Variants in TUBA3C observed in about 807,000 individuals in gnomAD.
The protein encoded by TUBA3C is tubulin alpha 3c.
TUBA3C carries 23 observed loss-of-function variants against 33.4 expected under a neutral mutation model. That is an observed-to-expected ratio of 0.69 (90% CI 0.50 to 0.98). The LOEUF is 0.98. Ranked by LOEUF, TUBA3C falls within the 50% of genes least tolerant of loss-of-function variation. The pLI is 0.00. For missense variants in TUBA3C, 402 were observed against 616.0 expected (o/e 0.65, Z 3.68); for synonymous variants, 269 against 250.4 (o/e 1.07, Z -0.70).
At position 19,175,910 on chromosome 13, in the gene TUBA3C, A is replaced by AT. The variant is rs1380359338; in HGVS notation, c.1056+1016dup. Among the ~76,000 whole-genome samples the AT allele has an allele frequency of 5.9e-5, 9 of 152,160 alleles. No homozygotes were observed. In the East Asian group the frequency reaches 1.7e-3, roughly 30 times the overall value. On this transcript the variant is annotated intron_variant, in intron 4 of 4. Transcript: ENST00000400113. The stretch of plus-strand genomic sequence containing the variant: ...AGGTGCCCGCCACCATACCCGGCTA[A>AT]TTTTTGTATTTTTAGTAGACACGGG...
rs776870755 is a variant in TUBA3C, at chr13:19,177,657, C to A, written c.376-50G>T. ...TCAATGCCCGTGGAAGCCACACCAC[C>A]AACCTCCACCAAGCCAGGGCCACTT... On this transcript the variant is annotated intron_variant, in intron 3 of 4. Transcript: ENST00000400113. This position sits in a 1 kb window ranked among gnomAD's most constrained non-coding sequence, Gnocchi z 5.0. 6.6e-6 allele frequency: 10 copies of A among 1,525,416 alleles called. No individual in the cohort carries two copies. The East Asian group carries it at 1.6e-4, about 24-fold the overall frequency. 94.5% of individuals were successfully genotyped at this position (1,525,416 alleles called of 1,614,324 possible).
At chr13:19,180,596 G>T (rs1042794157) in intron 1 of TUBA3C, among the ~76,000 whole-genome samples, 1 of 151,998 alleles carries the variant, frequency 6.6e-6, no homozygotes, top group Non-Finnish European at 1.5e-5. Context: ...CTGCCTCCCG[G>T]GTTCAAGCAA....
chr13:19,177,441 A>G lies in TUBA3C; in HGVS notation c.542T>C (p.Val181Ala). The G allele has an allele frequency of 6.2e-7, 1 of 1,614,092 alleles. No homozygotes were observed. Among genetic ancestry groups the G allele is most frequent in the Non-Finnish European group, 8.5e-7 (1 of 1,180,014 alleles). ...IYPAPQVSTA[V>A]VEPYNSILTT... The stretch of plus-strand genomic sequence containing the variant: ...CAGGATGGAGTTGTAGGGCTCCACC[A>G]CGGCCGTGGAGACCTGGGGGGCTGG... The change falls in exon 4 of 5, where the codon GTG becomes GCG. Residue 181 changes from valine to alanine, a missense_variant. Val to Ala is a moderately conservative substitution (Grantham distance 64). Transcript: ENST00000400113. The surrounding 1 kb of genome is among the most constrained non-coding windows in gnomAD (Gnocchi z 5.0).
In TUBA3C at chr13:19,178,279, G is replaced by C. The variant is rs983622040; in HGVS notation, c.342C>G (p.Ile114Met). ...GGATCCGGTCCAGGACCAGGTCGAC[G>C]ATCTCCTTGCCGATGGTGTAATGGC... ...ARGHYTIGKE[I>M]VDLVLDRIRK... Residue 114 changes from isoleucine (I) to methionine (M), a missense_variant, in exon 3 of 5, where the codon ATC becomes ATG. Ile to Met is a conservative substitution (Grantham distance 10). Coordinates refer to ENST00000400113, the MANE Select transcript of TUBA3C (RefSeq NM_006001.3). The C allele has an allele frequency of 6.2e-7, 1 of 1,614,134 alleles. No individual in the cohort carries two copies. Among genetic ancestry groups the C allele is most frequent in the South Asian group, 1.1e-5 (1 of 91,060 alleles).
rs1869343205 is a variant in TUBA3C, at chr13:19,179,921, C to T, written c.4-358G>A. On this transcript the variant is annotated intron_variant, in intron 1 of 4. Transcript: ENST00000400113. The stretch of plus-strand genomic sequence containing the variant: ...ATAGCAGTTTTTGATTATGTCCTAC[C>T]AAAGGATAAGGTAATGGGGTTGGGT... Among the ~76,000 whole-genome samples, 3 of 152,128 alleles carry T rather than the reference C, an allele frequency of 2.0e-5. No homozygotes were observed. The South Asian group carries it at 6.2e-4, about 32-fold the overall frequency.
chr13:19,176,725 CAAAAAAAAAAAAAAAAAAAA>C (rs55746544), intron 4 of TUBA3C, among the ~76,000 whole-genome samples, 182 bp downstream of exon 4: 3 of 34,582 alleles, frequency 8.7e-5, no homozygotes, highest in Non-Finnish European at 1.9e-4. Context: ...GACTCTGCCT[CAAAAAAAAAAAAAAAAAAAA>C]AAAAAAAAAA....
chr13:19,177,665 A>T lies in TUBA3C; in HGVS notation c.376-58T>A, dbSNP rs1869249143. On this transcript the variant is annotated intron_variant, in intron 3 of 4. Transcript: ENST00000400113. This position sits in a 1 kb window ranked among gnomAD's most constrained non-coding sequence, Gnocchi z 5.0. ...CGTGGAAGCCACACCACCAACCTCC[A>T]CCAAGCCAGGGCCACTTCTCTGCCT... The T allele has an allele frequency of 8.5e-6, 13 of 1,521,202 alleles. No individual in the cohort carries two copies. The highest frequency in any genetic ancestry group is 1.1e-5 in the Non-Finnish European group (13 of 1,136,884). The allele number at this position is 1,521,202 out of a possible 1,614,324, so 94.2% of individuals were successfully genotyped here.
intron 4 of TUBA3C, among the ~76,000 whole-genome samples, chr13:19,174,404 G>A (rs1482475135): frequency 6.6e-6 from 1 of 151,574 alleles, no homozygotes; most frequent in African/African-American, 2.4e-5. Context: ...AAAGTGCTAG[G>A]ATTACAGTCA....
chr13:19,177,598 A>G lies in TUBA3C; in HGVS notation c.385T>C (p.Cys129Arg). Reference protein sequence around the residue: ...LDRIRKLADLCTGLQGFLIFH... With the variant: ...LDRIRKLADLRTGLQGFLIFH... ...ATGAGGAAGCCCTGCAGTCCCGTGCACAGATCCGCCTGAGGGAAACCAGAC... is the reference window on the plus strand; with the variant it reads ...ATGAGGAAGCCCTGCAGTCCCGTGCGCAGATCCGCCTGAGGGAAACCAGAC... Residue 129 changes from cysteine to arginine, a missense_variant, in exon 4 of 5, where the codon TGC (cysteine) becomes CGC (arginine). Physicochemically the swap from Cys to Arg is radical, Grantham distance 180. Transcript: ENST00000400113. The surrounding 1 kb of genome is among the most constrained non-coding windows in gnomAD (Gnocchi z 5.0). 1 of 1,582,774 alleles carries G rather than the reference A, an allele frequency of 6.3e-7. No homozygotes were observed. Among genetic ancestry groups the G allele is most frequent in the South Asian group, 1.2e-5 (1 of 85,018 alleles).
chr13:19,180,961 CAAAA>C (rs532243124), intron 1 of TUBA3C, among the ~76,000 whole-genome samples: 2 of 82,108 alleles, frequency 2.4e-5, no homozygotes, highest in South Asian at 4.2e-4. Flanking sequence ...TGAGCCGTTT[CAAAA>C]AAAAAAAAAA....
chr13:19,179,342 G>C lies in TUBA3C; in HGVS notation c.225C>G (p.Val75=). ...AVFVDLEPTV[V]DEVRTGTYRQ... ...GCCATCCAGGACCCGAGCACCTACCGACCACAGTGGGCTCCAGGTCCACAA... is the reference window on the plus strand; with the variant it reads ...GCCATCCAGGACCCGAGCACCTACCCACCACAGTGGGCTCCAGGTCCACAA... Residue 75 remains valine, a splice_region_variant and synonymous_variant, in exon 2 of 5, where the codon GTC becomes GTG. Transcript: ENST00000400113. The C allele has an allele frequency of 6.2e-7, 1 of 1,613,940 alleles. No individual in the cohort carries two copies. The highest frequency in any genetic ancestry group is 8.5e-7 in the Non-Finnish European group (1 of 1,179,840).
intron 2 of TUBA3C, 77 bp downstream of exon 2, chr13:19,179,264 G>T: frequency 6.3e-7 from 1 of 1,581,892 alleles, no homozygotes; most frequent in Non-Finnish European, 8.6e-7. Flanking sequence ...AGGATTCAAA[G>T]GAGCCCACAT....
chr13:19,177,472 T>C lies in TUBA3C; in HGVS notation c.511A>G (p.Ile171Val), dbSNP rs751471888. The C allele has an allele frequency of 1.2e-6, 2 of 1,613,948 alleles. No individual in the cohort carries two copies. Reference protein sequence around the residue: ...YGKKSKLEFAIYPAPQVSTAV... With the variant: ...YGKKSKLEFAVYPAPQVSTAV... Reference sequence around the variant, plus strand: ...GTGGAGACCTGGGGGGCTGGGTAAATGGCAAATTCTAGCTTGGACTTCTTG... The same window carrying C: ...GTGGAGACCTGGGGGGCTGGGTAAACGGCAAATTCTAGCTTGGACTTCTTG... Residue 171 changes from isoleucine to valine, a missense_variant, in exon 4 of 5, where the codon ATT becomes GTT. Coordinates refer to ENST00000400113, the MANE Select transcript of TUBA3C (RefSeq NM_006001.3). The surrounding 1 kb of genome is among the most constrained non-coding windows in gnomAD (Gnocchi z 5.0).
intron 2 of TUBA3C, 92 bp downstream of exon 2, chr13:19,179,249 G>T: frequency 6.4e-7 from 1 of 1,550,862 alleles, no homozygotes; most frequent in Non-Finnish European, 8.7e-7. Context: ...CATACCTTCT[G>T]CAGGAGGATT....
rs754311533 is a variant in TUBA3C, at chr13:19,179,375, T to C, written c.192A>G (p.Arg64=). The change falls in exon 2 of 5, where the codon AGA becomes AGG. Residue 64 remains arginine, a synonymous_variant. Coordinates refer to ENST00000400113, the MANE Select transcript of TUBA3C (RefSeq NM_006001.3). ...SETGAGKHVP[R]AVFVDLEPTV... is the part of the protein sequence containing the mutation. ...TGGGCTCCAGGTCCACAAACACTGC[T>C]CTGGGCACGTGCTTGCCAGCTCCAG... is the stretch of plus-strand genomic sequence containing the variant. The C allele has an allele frequency of 1.9e-6, 3 of 1,613,834 alleles. No homozygotes were observed. In the African/African-American group the frequency reaches 4.0e-5, roughly 22 times the overall value.
Position 19,177,384 on chromosome 13 carries a change from C to T in TUBA3C, c.599G>A (p.Cys200Tyr). Residue 200 changes from cysteine to tyrosine, a missense_variant, in exon 4 of 5, where the codon TGT becomes TAT. Cys to Tyr is a radical substitution (Grantham distance 194). Coordinates refer to ENST00000400113, the MANE Select transcript of TUBA3C (RefSeq NM_006001.3). The surrounding 1 kb of genome is among the most constrained non-coding windows in gnomAD (Gnocchi z 5.0). ...GGCTTCATTGTCGACCATGAAGGCA[C>T]AGTCAGAATGTTCCAGGGTCGTGTG... is the stretch of plus-strand genomic sequence containing the variant. The part of the protein sequence containing the change: ...TTHTTLEHSD[C>Y]AFMVDNEAIY... 1 of 1,614,142 alleles carries T rather than the reference C, an allele frequency of 6.2e-7. No individual in the cohort carries two copies. The highest frequency in any genetic ancestry group is 8.5e-7 in the Non-Finnish European group (1 of 1,180,026).
At chr13:19,180,374 C>G (rs1021499075) in intron 1 of TUBA3C, among the ~76,000 whole-genome samples, 5 of 53,160 alleles carry the variant, frequency 9.4e-5, no homozygotes, top group African/African-American at 1.5e-4. Flanking sequence ...GGACACTGCA[C>G]TGTCCTTGGT....
In TUBA3C at chr13:19,179,398, C is replaced by A. The variant is rs1468255425; in HGVS notation, c.169G>T (p.Gly57Ter). ...GCTCTGGGCACGTGCTTGCCAGCTC[C>A]AGTCTCACTGAAGAACGTGTTGAAG... ...DSFNTFFSET[G>*]AGKHVPRAVF... The change falls in exon 2 of 5, where the codon GGA becomes TGA. Residue 57 changes from glycine to a stop codon, truncating the protein, a stop_gained. Transcript: ENST00000400113. LOFTEE classifies it high-confidence loss of function. The A allele has an allele frequency of 6.2e-7, 1 of 1,613,890 alleles. No homozygotes were observed. The highest frequency in any genetic ancestry group is 8.5e-7 in the Non-Finnish European group (1 of 1,179,906).
chr13:19,174,400 C>T (rs1182285147), intron 4 of TUBA3C, among the ~76,000 whole-genome samples: 1 of 151,662 alleles, frequency 6.6e-6, no homozygotes. Flanking sequence ...TCCCAAAGTG[C>T]TAGGATTACA....
Sources: allele counts gnomAD v4.1 joint callset (sites outside exome capture counted in the v4.1 genomes callset), GRCh38; gene constraint gnomAD v4.1.1; non-coding constraint Gnocchi (gnomAD v3.1); transcripts MANE v1.5; gene names NCBI Gene and HGNC (gene_info 2026-07-23, HGNC 2026-07-21).